ZNF264: variants seen among roughly 807,000 people sequenced by gnomAD.
The protein encoded by ZNF264 is zinc finger protein 264.
In ZNF264, 11 loss-of-function variants were observed where a neutral mutation model predicts 11.2. The observed-to-expected ratio is 0.98, with a 90% CI of 0.62 to 1.63. The LOEUF (loss-of-function observed/expected upper bound fraction) is 1.63. ZNF264 is among the 40% of genes most tolerant of loss of function. The probability of loss-of-function intolerance (pLI) is 0.00; values close to 1 mark genes in which losing one functional copy is unlikely to be tolerated. For missense variants in ZNF264, 752 were observed against 768.1 expected, an observed-to-expected ratio of 0.98 and a Z score of 0.25; for synonymous variants, 309 against 279.8, an observed-to-expected ratio of 1.10 and a Z score of -1.04.
chr19:57,201,065 GTA>G (rs953552556), intron 2 of ZNF264, among the ~76,000 whole-genome samples: 24 of 151,794 alleles, frequency 1.6e-4, no homozygotes, highest in Non-Finnish European at 2.2e-4. Flanking sequence ...TATTGTATGT[GTA>G]TATATATACA....
rs547431626 is a variant in ZNF264, at chr19:57,200,997, A to T, written c.161-4400A>T. Among the ~76,000 whole-genome samples, 6 of 152,060 alleles carry T rather than the reference A, an allele frequency of 3.9e-5. No homozygotes were observed. In the South Asian group the frequency reaches 1.2e-3, roughly 31 times the overall value. On this transcript the variant is annotated intron_variant, in intron 2 of 3. Transcript: ENST00000263095. ...CCATATATGATTTGTTATAAACATT[A>T]GTATATAAATGCTGGATTTCTAATT...
chr19:57,210,300 C>T (rs542563380), intron 3 of ZNF264, among the ~76,000 whole-genome samples: 2 of 152,310 alleles, frequency 1.3e-5, no homozygotes, highest in East Asian at 3.9e-4. Context: ...AGGTTAAGGA[C>T]ACAGTCCTCT....
chr19:57,195,726 C>G (rs1262064382), intron 2 of ZNF264, among the ~76,000 whole-genome samples: 1 of 151,836 alleles, frequency 6.6e-6, no homozygotes, highest in East Asian at 1.9e-4. Context: ...TCATTCATCC[C>G]AGCCAACACT....
At position 57,198,573 on chromosome 19, in the gene ZNF264, T is replaced by G. The variant is rs552866125; in HGVS notation, c.160+4572T>G. On this transcript the variant is annotated intron_variant, in intron 2 of 3. Transcript: ENST00000263095. ...ATTACGCATTCTGGCACTGGGAAAA[T>G]GACCACAGGTTGAGTCTGGGGACCC... 5.1e-4 allele frequency among the ~76,000 whole-genome samples: 77 copies of G among 151,874 alleles called. 1 individual carries two copies. Among genetic ancestry groups the G allele is most frequent in the African/African-American group, 1.8e-3 (74 of 41,186 alleles).
chr19:57,209,802 T>G (rs1225219137), intron 3 of ZNF264, among the ~76,000 whole-genome samples: 2 of 152,092 alleles, frequency 1.3e-5, no homozygotes, highest in Non-Finnish European at 2.9e-5. Context: ...CTTGCCGTGT[T>G]TCTCAGAGTG....
Position 57,213,647 on chromosome 19 carries a change from ATTC to A in ZNF264, c.*672_*674del, listed in dbSNP as rs1484644001. ...GTAAATTTTTAAATTGAGTAAAGTGATTCTTCTTTGCTCTTATTTAAAATCGAC... is the reference window on the plus strand; with the variant it reads ...GTAAATTTTTAAATTGAGTAAAGTGATTCTTTGCTCTTATTTAAAATCGAC... On this transcript the variant is annotated 3_prime_UTR_variant, in exon 4 of 4. Transcript: ENST00000263095. The A allele has an allele frequency of 6.6e-6, 1 of 152,190 alleles. No individual in the cohort carries two copies. The highest frequency in any genetic ancestry group is 2.4e-5 in the African/African-American group (1 of 41,450). The allele number at this position is 152,190 out of a possible 1,614,324, so 9.4% of individuals were successfully genotyped here.
At chr19:57,207,516 A>G (rs766971940) in intron 3 of ZNF264, among the ~76,000 whole-genome samples, 33 of 150,374 alleles carry the variant, frequency 2.2e-4, no homozygotes, top group Non-Finnish European at 3.3e-4. Context: ...CTCAACCTAA[A>G]AATATGCTTG....
At chr19:57,194,715 G>T (rs765436779) in intron 2 of ZNF264, 5 of 398,672 alleles carry the variant, frequency 1.3e-5, no homozygotes, top group East Asian at 3.6e-5. Flanking sequence ...CCAGATTAAG[G>T]GGGGGGTCTG....
rs1297652932 is a variant in ZNF264 at position 57,214,526 on chromosome 19, A to T, written c.*1545A>T. 2.6e-5 allele frequency: 4 copies of T among 151,324 alleles called. No individual in the cohort carries two copies. Among genetic ancestry groups the T allele is most frequent in the African/African-American group, 7.3e-5 (3 of 41,116 alleles). The allele number at this position is 151,324 out of a possible 1,614,324, so 9.4% of individuals were successfully genotyped here. A position where few individuals can be genotyped will look rare whatever the true frequency, so the allele number is the denominator to read the frequency against. ...ACCACCAGTCCCAGCTAATTTTTGT[A>T]TTTTTTGGTAGAGACAGGGTTTCAC... On this transcript the variant is annotated 3_prime_UTR_variant, in exon 4 of 4. Coordinates refer to ENST00000263095, the MANE Select transcript of ZNF264 (RefSeq NM_003417.5).
rs1263801954 is a variant in ZNF264 at position 57,215,927 on chromosome 19, T to C, written c.*2946T>C. On this transcript the variant is annotated 3_prime_UTR_variant, in exon 4 of 4. Coordinates refer to ENST00000263095, the MANE Select transcript of ZNF264 (RefSeq NM_003417.5). ...GTTTCGTATAGCTGCTTGAAAAGAATGGGTGTTCTGCTGTTACTGGGTGGA... is the reference window on the plus strand; with the variant it reads ...GTTTCGTATAGCTGCTTGAAAAGAACGGGTGTTCTGCTGTTACTGGGTGGA... The C allele has an allele frequency of 1.3e-5, 2 of 152,230 alleles. No individual in the cohort carries two copies. Among genetic ancestry groups the C allele is most frequent in the Admixed American group, 6.5e-5 (1 of 15,272 alleles). 9.4% of individuals were successfully genotyped at this position (152,230 alleles called of 1,614,324 possible).
chr19:57,199,120 G>T (rs574832142), intron 2 of ZNF264, among the ~76,000 whole-genome samples: 1 of 152,056 alleles, frequency 6.6e-6, no homozygotes, highest in East Asian at 1.9e-4. Context: ...CTTTGTCTCT[G>T]TTGTCCATTA....
At chr19:57,202,550 G>A (rs1317114506) in intron 2 of ZNF264, among the ~76,000 whole-genome samples, 5 of 151,706 alleles carry the variant, frequency 3.3e-5, no homozygotes, top group Non-Finnish European at 2.9e-5. Context: ...TCTGACTGTG[G>A]GTCTCATGAG....
rs1024925495 is a variant in ZNF264, at chr19:57,212,575, C to T, written c.1478C>T (p.Thr493Ile). ...YECVECGKAF[T>I]RMSGLTRHKR... ...TGCGTGGAGTGTGGAAAGGCCTTCA[C>T]CCGCATGTCGGGCCTCACGAGGCAC... The change falls in exon 4 of 4, where the codon ACC (threonine) becomes ATC (isoleucine). Residue 493 changes from threonine to isoleucine, a missense_variant. Coordinates refer to ENST00000263095, the MANE Select transcript of ZNF264 (RefSeq NM_003417.5). The T allele has an allele frequency of 1.2e-6, 2 of 1,613,768 alleles. No individual in the cohort carries two copies. The highest frequency in any genetic ancestry group is 8.5e-7 in the Non-Finnish European group (1 of 1,179,906).
At position 57,212,407 on chromosome 19, in the gene ZNF264, C is replaced by T. The variant is rs759711443; in HGVS notation, c.1310C>T (p.Thr437Ile). The T allele has an allele frequency of 1.2e-6, 2 of 1,613,572 alleles. No individual in the cohort carries two copies. Among genetic ancestry groups the T allele is most frequent in the Non-Finnish European group, 1.7e-6 (2 of 1,179,876 alleles). ...TGCAGTGAATGTGGAAAGGCCTTCA[C>T]CCACTGCTCTACTTTTATCTTGCAT... ...FVCSECGKAF[T>I]HCSTFILHKR... is the part of the protein sequence containing the mutation. Residue 437 changes from threonine (T) to isoleucine (I), a missense_variant, in exon 4 of 4, where the codon ACC becomes ATC. Physicochemically the swap from Thr to Ile is moderately conservative, Grantham distance 89. Coordinates refer to ENST00000263095, the MANE Select transcript of ZNF264 (RefSeq NM_003417.5).
In ZNF264 at chr19:57,216,980, T is replaced by G. The variant is rs1361162653; in HGVS notation, c.*3999T>G. The stretch of plus-strand genomic sequence containing the variant: ...CCCATTGCAAGTTGAAAATACTATG[T>G]CAAATATGCATTTAATACACCTACC... On this transcript the variant is annotated 3_prime_UTR_variant, in exon 4 of 4. Transcript: ENST00000263095. 1 of 152,194 alleles carries G rather than the reference T, an allele frequency of 6.6e-6. No individual in the cohort carries two copies. The highest frequency in any genetic ancestry group is 1.9e-4 in the East Asian group (1 of 5,204). 9.4% of individuals were successfully genotyped at this position (152,194 alleles called of 1,614,324 possible).
chr19:57,194,834 A>G (rs932169625), intron 2 of ZNF264: 1 of 400,144 alleles, frequency 2.5e-6, no homozygotes, highest in African/African-American at 2.1e-5. Context: ...TGACACATTA[A>G]TAAAAATCCC....
chr19:57,191,934 G>A lies in ZNF264; in HGVS notation c.21G>A (p.Thr7=), dbSNP rs2087176219. 6.5e-7 allele frequency: 1 copy of A among 1,535,912 alleles called. No individual in the cohort carries two copies. The highest frequency in any genetic ancestry group is 8.8e-7 in the Non-Finnish European group (1 of 1,139,770). The change falls in exon 1 of 4, where the codon ACG becomes ACA. Residue 7 remains threonine, a synonymous_variant. Coordinates refer to ENST00000263095, the MANE Select transcript of ZNF264 (RefSeq NM_003417.5). MAAAVL[T]DRAQVSVTFD... is the part of the protein sequence containing the mutation. The stretch of plus-strand genomic sequence containing the variant: ...ACGTGATGGCGGCAGCGGTGCTGAC[G>A]GACCGGGCCCAGGTGAGTGGACGGT...
intron 3 of ZNF264, among the ~76,000 whole-genome samples, chr19:57,210,441 C>A (rs1183437802): frequency 6.6e-6 from 1 of 152,190 alleles, no homozygotes; most frequent in Non-Finnish European, 1.5e-5. Flanking sequence ...ATGTTTATTA[C>A]AGACAAAGGG....
In ZNF264 at chr19:57,212,813, G is replaced by A; in HGVS notation, c.1716G>A (p.Val572=). 6.2e-7 allele frequency: 1 copy of A among 1,614,164 alleles called. No homozygotes were observed. The highest frequency in any genetic ancestry group is 1.3e-5 in the African/African-American group (1 of 75,042). The part of the protein sequence containing the change: ...TGKNPISVTD[V]GRPFTSGQTS... ...AAAATCCCATCAGTGTAACAGATGT[G>A]GGAAGACCTTTTACAAGTGGACAAA... Residue 572 remains valine, a synonymous_variant, in exon 4 of 4, where the codon GTG becomes GTA. Transcript: ENST00000263095.
Sources: allele counts gnomAD v4.1 joint callset (sites outside exome capture counted in the v4.1 genomes callset), GRCh38; gene constraint gnomAD v4.1.1; transcripts MANE v1.5; gene names NCBI Gene and HGNC (gene_info 2026-07-23, HGNC 2026-07-21).